Variants in DPY19L2 observed in about 807,000 individuals in gnomAD.
The protein encoded by DPY19L2 is dpy-19 like 2, also known as probable C-mannosyltransferase DPY19L2.
In DPY19L2, 34 loss-of-function variants were observed where a neutral mutation model predicts 97.9. The ratio of observed to expected loss-of-function variants is 0.35; its 90% confidence interval spans 0.26 to 0.46. DPY19L2 has a LOEUF of 0.46. Among genes scored for constraint, DPY19L2 ranks in the 20% least tolerant of loss-of-function variants. DPY19L2 has a pLI of 1.00. For synonymous variants in DPY19L2, 230 were observed against 307.9 expected (o/e 0.75, Z 2.65); for missense variants, 623 against 911.4 (o/e 0.68, Z 4.07).
At chr12:63,588,230 C>T (rs2942609) in intron 16 of DPY19L2, among the ~76,000 whole-genome samples, 2 of 152,164 alleles carry the variant, frequency 1.3e-5, no homozygotes, top group Admixed American at 6.5e-5. Context: ...AGAATGACCT[C>T]GTTATGGACT....
At position 63,563,853 on chromosome 12, in the gene DPY19L2, T is replaced by C. The variant is rs578114513; in HGVS notation, c.2127-3191A>G. Among the ~76,000 whole-genome samples, 192 of 152,300 alleles carry C rather than the reference T, an allele frequency of 1.3e-3. 1 individual carries two copies. Among genetic ancestry groups the C allele is most frequent in the African/African-American group, 4.2e-3 (174 of 41,580 alleles). On this transcript the variant is annotated intron_variant, in intron 21 of 21. Transcript: ENST00000324472. Reference sequence around the variant, plus strand: ...ATTGGAATTATTTCCAGTGAAGATATCTGTCTTGAAGTTTTCTTTGTGACC... The same window carrying C: ...ATTGGAATTATTTCCAGTGAAGATACCTGTCTTGAAGTTTTCTTTGTGACC...
At chr12:63,632,554 T>G (rs985855165) in intron 6 of DPY19L2, among the ~76,000 whole-genome samples, 3 of 152,006 alleles carry the variant, frequency 2.0e-5, no homozygotes, top group East Asian at 1.9e-4. Context: ...CACTGCTCAA[T>G]GAAATAAAAT....
chr12:63,565,127 C>T (rs1489729406), intron 21 of DPY19L2, among the ~76,000 whole-genome samples: 3 of 152,132 alleles, frequency 2.0e-5, no homozygotes, highest in Non-Finnish European at 4.4e-5. Context: ...AAGTAAATTT[C>T]TTGAAAGTAG....
At chr12:63,579,677 G>A (rs1880523414) in intron 19 of DPY19L2, among the ~76,000 whole-genome samples, 1 of 152,142 alleles carries the variant, frequency 6.6e-6, no homozygotes, top group Non-Finnish European at 1.5e-5. Context: ...AAGAAAGGGA[G>A]TGATTACCTT....
intron 13 of DPY19L2, among the ~76,000 whole-genome samples, chr12:63,599,221 G>A (rs1416848306): frequency 2.0e-5 from 3 of 151,654 alleles, no homozygotes; most frequent in Admixed American, 6.6e-5. Context: ...AAAGATCTGG[G>A]GGTCAATGTG....
chr12:63,615,397 T>C (rs1188575709), intron 11 of DPY19L2, among the ~76,000 whole-genome samples: 1 of 152,140 alleles, frequency 6.6e-6, no homozygotes, highest in Non-Finnish European at 1.5e-5. Flanking sequence ...GCTAGTACCA[T>C]AAAGAGAGAC....
chr12:63,579,582 A>G (rs1228888025), intron 19 of DPY19L2, among the ~76,000 whole-genome samples: 1 of 152,184 alleles, frequency 6.6e-6, no homozygotes, highest in Non-Finnish European at 1.5e-5. Context: ...TGGAACAAAG[A>G]AAGACACAAG....
intron 4 of DPY19L2, among the ~76,000 whole-genome samples, chr12:63,650,477 C>A (rs941789489): frequency 1.3e-5 from 2 of 152,112 alleles, no homozygotes; most frequent in Non-Finnish European, 1.5e-5. Context: ...AGCAAACTTT[C>A]CGGATGTAAA....
intron 11 of DPY19L2, among the ~76,000 whole-genome samples, chr12:63,614,635 C>T (rs1887562557): frequency 6.6e-6 from 1 of 151,910 alleles, no homozygotes; most frequent in Non-Finnish European, 1.5e-5. Flanking sequence ...TTCTATCATC[C>T]CCTGGCTTCT....
At chr12:63,588,027 T>G (rs1467621246) in intron 16 of DPY19L2, among the ~76,000 whole-genome samples, 7 of 152,132 alleles carry the variant, frequency 4.6e-5, no homozygotes, top group Admixed American at 4.6e-4. Context: ...AGTTATAACT[T>G]TAAATGTATT....
intron 11 of DPY19L2, among the ~76,000 whole-genome samples, chr12:63,614,187 T>C (rs1887484104): frequency 1.3e-5 from 1 of 76,422 alleles, no homozygotes; most frequent in African/African-American, 5.5e-5. Context: ...CGAAACTCCG[T>C]CTCAAAAAAA....
intron 6 of DPY19L2, among the ~76,000 whole-genome samples, chr12:63,640,792 AT>A (rs1297852312): frequency 6.6e-6 from 1 of 152,182 alleles, no homozygotes; most frequent in Admixed American, 6.5e-5. Flanking sequence ...GATTTTTTAA[AT>A]TTTAGTCATT....
intron 6 of DPY19L2, among the ~76,000 whole-genome samples, chr12:63,641,496 T>C (rs1892697045): frequency 6.6e-6 from 1 of 152,162 alleles, no homozygotes; most frequent in Non-Finnish European, 1.5e-5. Context: ...ACCATTTCTA[T>C]ATACATATCA....
chr12:63,655,888 C>A (rs7306077), intron 4 of DPY19L2, among the ~76,000 whole-genome samples: 10,027 of 152,108 alleles, frequency 0.066, 360 homozygotes, highest in Middle Eastern at 0.095. Context: ...ATTGCAAATA[C>A]CCTTGCTAAC....
chr12:63,568,678 T>A (rs541736653), intron 21 of DPY19L2, among the ~76,000 whole-genome samples: 39 of 151,384 alleles, frequency 2.6e-4, no homozygotes, highest in African/African-American at 9.3e-4. Flanking sequence ...CTGAATTTCC[T>A]GTCATGTGCA....
intron 21 of DPY19L2, among the ~76,000 whole-genome samples, chr12:63,562,118 T>C (rs1244391110): frequency 6.6e-6 from 1 of 152,144 alleles, no homozygotes; most frequent in African/African-American, 2.4e-5. Context: ...AAGGCGTAAT[T>C]GCTCAATAAT....
chr12:63,635,283 G>A (rs939358335), intron 6 of DPY19L2, among the ~76,000 whole-genome samples: 7 of 151,982 alleles, frequency 4.6e-5, no homozygotes, highest in African/African-American at 1.2e-4. Context: ...CCATCTATAC[G>A]TCACCATCAT....
In DPY19L2 at chr12:63,633,765, G is replaced by A. The variant is rs527559352; in HGVS notation, c.804-7239C>T. Reference sequence around the variant, plus strand: ...TGCTGCTGTAAAGACACATGCACACGTATGTTTATTGTGGCACTATTCACA... The same window carrying A: ...TGCTGCTGTAAAGACACATGCACACATATGTTTATTGTGGCACTATTCACA... On this transcript the variant is annotated intron_variant, in intron 6 of 21. Coordinates refer to ENST00000324472, the MANE Select transcript of DPY19L2 (RefSeq NM_173812.5). Among the ~76,000 whole-genome samples, 921 of 152,222 alleles carry A rather than the reference G, an allele frequency of 6.1e-3. 10 individuals carry two copies. The highest frequency in any genetic ancestry group is 0.021 in the African/African-American group (857 of 41,512).
At chr12:63,649,486 CA>C (rs1259410671) in intron 4 of DPY19L2, among the ~76,000 whole-genome samples, 1 of 152,012 alleles carries the variant, frequency 6.6e-6, no homozygotes, top group African/African-American at 2.4e-5. Context: ...TCAGAAATGA[CA>C]AAGGATATAT....
Sources: allele counts gnomAD v4.1 joint callset (sites outside exome capture counted in the v4.1 genomes callset), GRCh38; gene constraint gnomAD v4.1.1; transcripts MANE v1.5; gene names NCBI Gene and HGNC (gene_info 2026-07-23, HGNC 2026-07-21).